Variants in ABCC2 observed in about 807,000 individuals in gnomAD.
ABCC2 encodes the protein ATP-binding cassette sub-family C member 2.
In ABCC2, 157 loss-of-function variants were observed where a neutral mutation model predicts 173.4. That is an observed-to-expected ratio of 0.91 (90% CI 0.80 to 1.03). The LOEUF is 1.03. ABCC2 is among the 50% of genes least tolerant of loss of function. ABCC2 has a pLI of 0.00. For synonymous variants in ABCC2, 657 were observed against 693.5 expected (o/e 0.95, Z 0.83); for missense variants, 1,822 against 1,852.3 (o/e 0.98, Z 0.30).
chr10:99,820,333 G>C (rs1036421539), intron 19 of ABCC2, among the ~76,000 whole-genome samples: 1 of 152,184 alleles, frequency 6.6e-6, no homozygotes, highest in Non-Finnish European at 1.5e-5. Context: ...AGAGGTTGCG[G>C]TGAGCTGAGA....
rs191577448 is a variant in ABCC2, at chr10:99,782,693, G to A, written c.-152G>A. On this transcript the variant is annotated 5_prime_UTR_variant, in exon 1 of 32. Coordinates refer to ENST00000647814, the MANE Select transcript of ABCC2 (RefSeq NM_000392.5). ...TAACATGCATCTAGGCAAGGTTAACGATTAAATGGTTGGGATGAAAGGTCA... is the reference window on the plus strand; with the variant it reads ...TAACATGCATCTAGGCAAGGTTAACAATTAAATGGTTGGGATGAAAGGTCA... 1.3e-4 allele frequency: 119 copies of A among 891,526 alleles called. No individual in the cohort carries two copies. Among genetic ancestry groups the A allele is most frequent in the Non-Finnish European group, 5.3e-5 (30 of 561,354 alleles). 55.2% of individuals were successfully genotyped at this position (891,526 alleles called of 1,614,324 possible). A position where few individuals can be genotyped will look rare whatever the true frequency, so the allele number is the denominator to read the frequency against.
Position 99,851,799 on chromosome 10 carries a change from C to G in ABCC2, c.*168C>G. On this transcript the variant is annotated 3_prime_UTR_variant, in exon 32 of 32. Transcript: ENST00000647814. ...CCCAGGTTAAGAAAATAAATGTCAC[C>G]AGGTACTTGAGAAACCCCTCGATTG... 1 of 657,044 alleles carries G rather than the reference C, an allele frequency of 1.5e-6. No individual in the cohort carries two copies. Among genetic ancestry groups the G allele is most frequent in the East Asian group, 3.0e-5 (1 of 32,854 alleles). 40.7% of individuals were successfully genotyped at this position (657,044 alleles called of 1,614,324 possible).
At chr10:99,787,589 A>T (rs1196313851) in intron 2 of ABCC2, among the ~76,000 whole-genome samples, 6 of 152,238 alleles carry the variant, frequency 3.9e-5, no homozygotes, top group Non-Finnish European at 5.9e-5. Flanking sequence ...TGTAAACATG[A>T]CATCTCACTG....
rs1298115821 is a variant in ABCC2 at position 99,800,497 on chromosome 10, T to C, written c.1143T>C (p.Tyr381=). Residue 381 remains tyrosine (Y), a synonymous_variant, in exon 9 of 32, where the codon TAT becomes TAC. Coordinates refer to ENST00000647814, the MANE Select transcript of ABCC2 (RefSeq NM_000392.5). Reference sequence around the variant, plus strand: ...TTCAGTCTTTCTGCCTTCAGTGTTATTTCCAACTGTGCTTCAAGCTGGGTG... The same window carrying C: ...TTCAGTCTTTCTGCCTTCAGTGTTACTTCCAACTGTGCTTCAAGCTGGGTG... ...ALIQSFCLQC[Y]FQLCFKLGVK... 1 of 1,614,212 alleles carries C rather than the reference T, an allele frequency of 6.2e-7. No individual in the cohort carries two copies. Among genetic ancestry groups the C allele is most frequent in the Non-Finnish European group, 8.5e-7 (1 of 1,180,036 alleles).
At chr10:99,819,669 G>A (rs1010187993) in intron 19 of ABCC2, among the ~76,000 whole-genome samples, 13 of 152,086 alleles carry the variant, frequency 8.5e-5, no homozygotes, top group Middle Eastern at 3.2e-3. Flanking sequence ...CCACTTCCTC[G>A]ACAGCTTCAT....
At position 99,843,834 on chromosome 10, in the gene ABCC2, A is replaced by C; in HGVS notation, c.3777A>C (p.Thr1259=). 1 of 1,614,230 alleles carries C rather than the reference A, an allele frequency of 6.2e-7. No individual in the cohort carries two copies. Among genetic ancestry groups the C allele is most frequent in the South Asian group, 1.1e-5 (1 of 91,092 alleles). ...CCCTGAACTGGCTGGTGAGGATGAC[A>C]TCAGAAATAGAGACCAACATTGTGG... is the stretch of plus-strand genomic sequence containing the variant. ...TQTLNWLVRM[T]SEIETNIVAV... The change falls in exon 27 of 32, where the codon ACA becomes ACC. Residue 1259 remains threonine (T), a synonymous_variant. Transcript: ENST00000647814.
intron 22 of ABCC2, 23 bp from the exon 23 acceptor site, chr10:99,831,954 G>A: frequency 6.2e-7 from 1 of 1,614,166 alleles, no homozygotes; most frequent in Non-Finnish European, 8.5e-7. Context: ...GCATGGTGCT[G>A]ACAAAACTGC....
chr10:99,795,720 G>GA, intron 6 of ABCC2, among the ~76,000 whole-genome samples: 1 of 122,832 alleles, frequency 8.1e-6, no homozygotes, highest in Non-Finnish European at 1.7e-5. Flanking sequence ...GAGAGAGAGA[G>GA]AAGAAAGAAA....
At chr10:99,843,306 G>A (rs1043231596) in intron 26 of ABCC2, among the ~76,000 whole-genome samples, 2 of 152,212 alleles carry the variant, frequency 1.3e-5, no homozygotes, top group African/African-American at 4.8e-5. Context: ...GAGTCCCCAT[G>A]ATTCCGTCCT....
chr10:99,831,641 C>G lies in ABCC2; in HGVS notation c.2914C>G (p.Gln972Glu), dbSNP rs776226153. The change falls in exon 22 of 32, where the codon CAA becomes GAA. Residue 972 changes from glutamine (Q) to glutamate (E), a missense_variant. Gln to Glu is a conservative substitution (Grantham distance 29). Transcript: ENST00000647814. ...VKFSIYLEYLQAIGLFSIFFI... is the reference protein window; with the variant it reads ...VKFSIYLEYLEAIGLFSIFFI... ...GTTCTCCATCTACCTGGAGTACCTA[C>G]AAGCAATAGGATTGTTTTCGATATT... is the stretch of plus-strand genomic sequence containing the variant. The G allele has an allele frequency of 1.2e-6, 2 of 1,614,184 alleles. No homozygotes were observed. The highest frequency in any genetic ancestry group is 1.7e-5 in the Admixed American group (1 of 60,028).
chr10:99,821,381 C>T (rs191255282), intron 19 of ABCC2, among the ~76,000 whole-genome samples: 2,353 of 152,162 alleles, frequency 0.015, 72 homozygotes, highest in African/African-American at 0.053. Flanking sequence ...CAGCACAGAC[C>T]CTTTACGGGT....
intron 9 of ABCC2, among the ~76,000 whole-genome samples, chr10:99,801,391 C>T (rs1365595689): frequency 6.6e-6 from 1 of 152,126 alleles, no homozygotes; most frequent in Non-Finnish European, 1.5e-5. Context: ...CACGTGCCAC[C>T]ACGCCCGGCT....
chr10:99,819,262 A>C lies in ABCC2; in HGVS notation c.2613A>C (p.Glu871Asp). The change falls in exon 19 of 32, where the codon GAA (glutamate) becomes GAC (aspartate). Residue 871 changes from glutamate to aspartate, a missense_variant. By Grantham distance (45) the Glu-to-Asp change is conservative. Coordinates refer to ENST00000647814, the MANE Select transcript of ABCC2 (RefSeq NM_000392.5). ...TFLRHTGPEE[E>D]ATVHDGSEEE... ...TAAGACATACAGGCCCTGAAGAGGA[A>C]GCCACAGGTATGTAAGAAGGATTGG... 2 of 1,613,542 alleles carry C rather than the reference A, an allele frequency of 1.2e-6. No homozygotes were observed. Among genetic ancestry groups the C allele is most frequent in the Non-Finnish European group, 1.7e-6 (2 of 1,179,940 alleles).
chr10:99,814,372 TATACAC>T lies in ABCC2; in HGVS notation c.2094+1232_2094+1237del, dbSNP rs1240922440. On this transcript the variant is annotated intron_variant, in intron 16 of 31. Coordinates refer to ENST00000647814, the MANE Select transcript of ABCC2 (RefSeq NM_000392.5). ...ACACGTATGTATACACACATGTATA[TATACAC>T]ATATATACATATATGGGTATATATA... Among the ~76,000 whole-genome samples, 24 of 22,940 alleles carry T rather than the reference TATACAC, an allele frequency of 1.0e-3. 2 individuals are homozygous for T. Among genetic ancestry groups the T allele is most frequent in the African/African-American group, 2.2e-3 (16 of 7,406 alleles). 15.0% of individuals were successfully genotyped at this position (22,940 alleles called of 152,430 possible).
chr10:99,835,530 C>A (rs2038806847), intron 24 of ABCC2, among the ~76,000 whole-genome samples: 1 of 152,104 alleles, frequency 6.6e-6, no homozygotes. Context: ...CTACCCTGTT[C>A]CAGTTCTTAC....
chr10:99,818,345 C>G, intron 17 of ABCC2, among the ~76,000 whole-genome samples: 1 of 152,146 alleles, frequency 6.6e-6, no homozygotes, highest in Non-Finnish European at 1.5e-5. Flanking sequence ...CTCCCCATTA[C>G]TAGAAATAAA....
chr10:99,815,969 G>GTTTT (rs552969751), intron 16 of ABCC2, among the ~76,000 whole-genome samples: 2 of 135,386 alleles, frequency 1.5e-5, no homozygotes, highest in Admixed American at 7.4e-5. Flanking sequence ...TTCTGGTCTT[G>GTTTT]TTTTTTTTTT....
At chr10:99,783,789 A>G (rs1382368367) in intron 1 of ABCC2, among the ~76,000 whole-genome samples, 3 of 152,056 alleles carry the variant, frequency 2.0e-5, no homozygotes, top group Non-Finnish European at 4.4e-5. Context: ...GGCAAGGTGG[A>G]TCTTCATGGG....
chr10:99,843,938 A>G lies in ABCC2; in HGVS notation c.3843+38A>G, dbSNP rs778045536. The G allele has an allele frequency of 2.1e-6, 3 of 1,445,082 alleles. No individual in the cohort carries two copies. The East Asian group carries it at 6.8e-5, about 33-fold the overall frequency. 89.5% of individuals were successfully genotyped at this position (1,445,082 alleles called of 1,614,324 possible). ...TGGAAAAATCCAGGAACAAGGCAAA[A>G]ACAACATGCAACTCCTTCGAGAGTG... On this transcript the variant is annotated intron_variant, in intron 27 of 31. Transcript: ENST00000647814.
Sources: allele counts gnomAD v4.1 joint callset (sites outside exome capture counted in the v4.1 genomes callset), GRCh38; gene constraint gnomAD v4.1.1; transcripts MANE v1.5; gene names NCBI Gene and HGNC (gene_info 2026-07-23, HGNC 2026-07-21).